Variants in LRBA observed in about 807,000 individuals in gnomAD.
LRBA encodes the protein LPS responsive beige-like anchor protein, also known as lipopolysaccharide-responsive and beige-like anchor protein.
LRBA carries 176 observed loss-of-function variants against 330.0 expected under a neutral mutation model. The observed-to-expected ratio is 0.53, with a 90% CI of 0.47 to 0.60. LRBA has a LOEUF of 0.60. LRBA is among the 20% of genes least tolerant of loss of function. The pLI is 0.00. For synonymous variants in LRBA, 1,230 were observed against 1,193.0 expected, an observed-to-expected ratio of 1.03 and a Z score of -0.64; for missense variants, 3,259 against 3,444.8, an observed-to-expected ratio of 0.95 and a Z score of 1.35.
intron 15 of LRBA, 117 bp downstream of exon 15, chr4:150,897,622 T>C (rs1218027158): frequency 1.5e-6 from 1 of 677,268 alleles, no homozygotes; most frequent in Non-Finnish European, 2.5e-6. Flanking sequence ...TTTCAAAGTA[T>C]TTTCCAATGT....
intron 47 of LRBA, among the ~76,000 whole-genome samples, chr4:150,372,507 C>A (rs1740498638): frequency 6.9e-6 from 1 of 145,540 alleles, no homozygotes; most frequent in Non-Finnish European, 1.5e-5. Flanking sequence ...AGGCTGTGAG[C>A]CCAGACCATG....
intron 47 of LRBA, among the ~76,000 whole-genome samples, chr4:150,402,086 C>T (rs1009444349): frequency 4.1e-5 from 6 of 145,000 alleles, no homozygotes; most frequent in South Asian, 2.2e-4. Flanking sequence ...GTCAGGAGAT[C>T]GAGATCATCC....
chr4:150,471,654 CAAAATT>C lies in LRBA; in HGVS notation c.6631_6636del (p.Asn2211_Phe2212del). On this transcript the variant is annotated inframe_deletion, in exon 43 of 57. Coordinates refer to ENST00000651943, the MANE Select transcript of LRBA (RefSeq NM_001364905.1). Reference sequence around the variant, plus strand: ...ATCGTGTTGAGAAACATCAAGTACTCAAAATTAGATATCTCTCTGTGTTGCCATCGC... The same window carrying C: ...ATCGTGTTGAGAAACATCAAGTACTCAGATATCTCTCTGTGTTGCCATCGC... 1 of 1,605,354 alleles carries C rather than the reference CAAAATT, an allele frequency of 6.2e-7. No individual in the cohort carries two copies. Among genetic ancestry groups the C allele is most frequent in the Non-Finnish European group, 8.5e-7 (1 of 1,176,780 alleles).
At chr4:150,290,465 C>T (rs1402024448) in intron 53 of LRBA, among the ~76,000 whole-genome samples, 1 of 152,074 alleles carries the variant, frequency 6.6e-6, no homozygotes, top group Non-Finnish European at 1.5e-5. Flanking sequence ...CCCTTAAGAA[C>T]CTTTTAAAGT....
intron 40 of LRBA, among the ~76,000 whole-genome samples, chr4:150,551,772 T>C (rs933813338): frequency 2.6e-5 from 4 of 152,150 alleles, no homozygotes; most frequent in Non-Finnish European, 5.9e-5. Context: ...CTAATGAAAA[T>C]GACTGTTAAG....
At chr4:150,274,831 C>T (rs1035411681) in intron 56 of LRBA, among the ~76,000 whole-genome samples, 2 of 152,150 alleles carry the variant, frequency 1.3e-5, no homozygotes, top group Admixed American at 6.5e-5. Flanking sequence ...CAGACAGATT[C>T]ACAGCCAATT....
At chr4:150,403,842 C>T (rs1156992432) in intron 47 of LRBA, among the ~76,000 whole-genome samples, 3 of 152,074 alleles carry the variant, frequency 2.0e-5, no homozygotes, top group Middle Eastern at 3.4e-3. Context: ...ACCAGCCTGA[C>T]CAACATGGTG....
intron 37 of LRBA, among the ~76,000 whole-genome samples, chr4:150,607,206 G>C (rs1774736619): frequency 6.6e-6 from 1 of 152,140 alleles, no homozygotes; most frequent in Admixed American, 6.5e-5. Context: ...GTACATCCTA[G>C]AGTCTACAGA....
At chr4:150,608,291 AG>A (rs1382496131) in intron 37 of LRBA, among the ~76,000 whole-genome samples, 1 of 152,152 alleles carries the variant, frequency 6.6e-6, no homozygotes, top group Admixed American at 6.5e-5. Flanking sequence ...AAATGTACTG[AG>A]TGTTTATTGT....
At chr4:150,741,681 A>G (rs1731993986) in intron 35 of LRBA, among the ~76,000 whole-genome samples, 1 of 149,754 alleles carries the variant, frequency 6.7e-6, no homozygotes, top group Non-Finnish European at 1.5e-5. Context: ...GCTAAGTAGG[A>G]AAAAAAAGAA....
chr4:150,497,916 G>T (rs1177767059), intron 40 of LRBA, among the ~76,000 whole-genome samples: 1 of 152,006 alleles, frequency 6.6e-6, no homozygotes, highest in African/African-American at 2.4e-5. Context: ...ATATTTCACG[G>T]GCTCCCATTG....
intron 24 of LRBA, 127 bp downstream of exon 24, chr4:150,850,597 C>T (rs1750500777): frequency 1.9e-6 from 1 of 519,928 alleles, no homozygotes; most frequent in Non-Finnish European, 3.2e-6. Context: ...AAAACCCTAC[C>T]ATAGAATAAT....
chr4:150,697,388 C>A (rs1442332707), intron 36 of LRBA, among the ~76,000 whole-genome samples: 2 of 135,100 alleles, frequency 1.5e-5, no homozygotes, highest in Non-Finnish European at 3.1e-5. Context: ...AGGCTAAGTA[C>A]CTGTTCACCA....
At chr4:150,621,713 C>T (rs1776309189) in intron 37 of LRBA, among the ~76,000 whole-genome samples, 1 of 152,294 alleles carries the variant, frequency 6.6e-6, no homozygotes, top group Non-Finnish European at 1.5e-5. Flanking sequence ...AAAATCATTA[C>T]TTCCAGTTCC....
chr4:150,543,662 T>C (rs1765551414), intron 40 of LRBA, among the ~76,000 whole-genome samples: 1 of 152,200 alleles, frequency 6.6e-6, no homozygotes. Flanking sequence ...TTTACATATA[T>C]GGTCATTATA....
chr4:150,850,759 T>C lies in LRBA; in HGVS notation c.3969A>G (p.Leu1323=). The C allele has an allele frequency of 6.2e-7, 1 of 1,612,856 alleles. No homozygotes were observed. Among genetic ancestry groups the C allele is most frequent in the South Asian group, 1.1e-5 (1 of 90,994 alleles). Residue 1323 remains leucine (L), a synonymous_variant, in exon 24 of 57, where the codon TTA becomes TTG. Coordinates refer to ENST00000651943, the MANE Select transcript of LRBA (RefSeq NM_001364905.1). ...QMHQRLLTDL[L]FSIETDIQMW... The stretch of plus-strand genomic sequence containing the variant: ...TCTGTATATCTGTTTCTATTGAAAA[T>C]AATAGATCAGTGAGCAAACGTTGAT...
At chr4:150,514,172 A>C (rs921601069) in intron 40 of LRBA, among the ~76,000 whole-genome samples, 7 of 152,182 alleles carry the variant, frequency 4.6e-5, no homozygotes, top group African/African-American at 1.4e-4. Context: ...TCCCGAGTTC[A>C]AGTGATTCTC....
intron 2 of LRBA, among the ~76,000 whole-genome samples, chr4:150,951,972 A>G (rs751681738): frequency 6.6e-6 from 1 of 152,238 alleles, no homozygotes; most frequent in Non-Finnish European, 1.5e-5. Flanking sequence ...GGAAAATGAA[A>G]TTAAAGTCTA....
intron 40 of LRBA, among the ~76,000 whole-genome samples, chr4:150,569,445 T>G (rs1769563467): frequency 6.6e-6 from 1 of 152,168 alleles, no homozygotes; most frequent in Non-Finnish European, 1.5e-5. Context: ...AGAGTATACT[T>G]CTGAATCTGG....
Sources: gnomAD v4.1 joint callset for allele counts (sites outside exome capture counted in the v4.1 genomes callset) on GRCh38, gnomAD v4.1.1 for gene constraint, MANE v1.5 for transcripts, NCBI Gene and HGNC (gene_info 2026-07-23, HGNC 2026-07-21) for gene names.